The following EPHA5 variants were observed in gnomAD, a reference collection of about 807,000 sequenced individuals.
EPHA5 encodes the protein ephrin type-A receptor 5.
In EPHA5, 60 loss-of-function variants were observed where a neutral mutation model predicts 105.0. The ratio of observed to expected loss-of-function variants is 0.57; its 90% confidence interval spans 0.46 to 0.71. The LOEUF is 0.71. EPHA5 is among the 30% of genes least tolerant of loss of function. The pLI is 0.00. For missense variants in EPHA5, 1,218 were observed against 1,274.7 expected, an observed-to-expected ratio of 0.96 and a Z score of 0.68; for synonymous variants, 513 against 449.1, an observed-to-expected ratio of 1.14 and a Z score of -1.80.
intron 1 of EPHA5, among the ~76,000 whole-genome samples, chr4:65,656,958 T>TC: frequency 6.6e-6 from 1 of 151,524 alleles, no homozygotes; most frequent in East Asian, 1.9e-4. Context: ...TGTGTGTTTT[T>TC]TTTTTTTCTG....
intron 5 of EPHA5, among the ~76,000 whole-genome samples, chr4:65,478,646 A>G (rs1434108119): frequency 6.6e-6 from 1 of 151,986 alleles, no homozygotes; most frequent in African/African-American, 2.4e-5. Context: ...TAATTTTTGT[A>G]TTTTTAGTAG....
At chr4:65,362,900 A>G (rs1296884871) in intron 11 of EPHA5, among the ~76,000 whole-genome samples, 1 of 151,690 alleles carries the variant, frequency 6.6e-6, no homozygotes, top group Non-Finnish European at 1.5e-5. Flanking sequence ...AGCAAAAGAG[A>G]CAAAATTAAG....
chr4:65,492,011 G>C (rs1169704556), intron 4 of EPHA5, among the ~76,000 whole-genome samples: 1 of 152,136 alleles, frequency 6.6e-6, no homozygotes, highest in Non-Finnish European at 1.5e-5. Flanking sequence ...ATGGAGTATG[G>C]TGGTAGTTGA....
intron 3 of EPHA5, among the ~76,000 whole-genome samples, chr4:65,588,117 G>T (rs1393873329): frequency 6.6e-6 from 1 of 152,128 alleles, no homozygotes; most frequent in African/African-American, 2.4e-5. Context: ...TGAGCTTTCA[G>T]TTGCCCCTGA....
rs542714559 is a variant in EPHA5, at chr4:65,476,183, C to T, written c.1402+14194G>A. 6.7e-5 allele frequency among the ~76,000 whole-genome samples: 10 copies of T among 150,182 alleles called. No individual in the cohort carries two copies. The East Asian group carries it at 1.2e-3, about 18-fold the overall frequency. The stretch of plus-strand genomic sequence containing the variant: ...GTTAAAATATGCAGATTATTGGCCC[C>T]TACATTGTATATACTAAATCATAAA... On this transcript the variant is annotated intron_variant, in intron 5 of 16. Transcript: ENST00000613740.
chr4:65,599,348 A>ACACACAC (rs71205393), intron 3 of EPHA5, among the ~76,000 whole-genome samples: 1 of 148,564 alleles, frequency 6.7e-6, no homozygotes, highest in Non-Finnish European at 1.5e-5. Flanking sequence ...GGCATTTTAT[A>ACACACAC]ACACACACAC....
Position 65,323,931 on chromosome 4 carries a change from C to T in EPHA5, c.*183G>A, listed in dbSNP as rs1325868096. 1 of 462,520 alleles carries T rather than the reference C, an allele frequency of 2.2e-6. No individual in the cohort carries two copies. The highest frequency in any genetic ancestry group is 3.5e-5 in the East Asian group (1 of 28,756). The allele number at this position is 462,520 out of a possible 1,614,324, so 28.7% of individuals were successfully genotyped here. ...ATGTTTGCTTCATGAAAAATGAAGA[C>T]TAAGGACTAAGAACTGGATACTTCA... On this transcript the variant is annotated 3_prime_UTR_variant, in exon 17 of 17. Coordinates refer to ENST00000613740, the MANE Select transcript of EPHA5 (RefSeq NM_001281766.3).
intron 3 of EPHA5, among the ~76,000 whole-genome samples, chr4:65,561,012 T>C (rs1313880044): frequency 6.6e-6 from 1 of 151,980 alleles, no homozygotes; most frequent in African/African-American, 2.4e-5. Flanking sequence ...TCATATTGAG[T>C]AAAACATAAC....
intron 2 of EPHA5, among the ~76,000 whole-genome samples, chr4:65,610,292 T>C (rs1029572946): frequency 6.6e-6 from 1 of 152,030 alleles, no homozygotes; most frequent in Non-Finnish European, 1.5e-5. Context: ...GAAATCCAAA[T>C]ACTGCATGTT....
chr4:65,645,118 A>C (rs1275711688), intron 1 of EPHA5, among the ~76,000 whole-genome samples: 1 of 152,014 alleles, frequency 6.6e-6, no homozygotes, highest in African/African-American at 2.4e-5. Flanking sequence ...ACTACATCTA[A>C]TTTTTCAGAC....
chr4:65,587,358 C>T (rs1742218567), intron 3 of EPHA5, among the ~76,000 whole-genome samples: 1 of 151,982 alleles, frequency 6.6e-6, no homozygotes, highest in Admixed American at 6.6e-5. Context: ...ACAAAAACAA[C>T]AAACAAAACA....
intron 3 of EPHA5, among the ~76,000 whole-genome samples, chr4:65,518,533 T>C (rs1257821363): frequency 6.6e-6 from 1 of 151,974 alleles, no homozygotes; most frequent in Non-Finnish European, 1.5e-5. Flanking sequence ...AATTGGGCAG[T>C]ATAAACATTG....
chr4:65,344,821 T>G (rs2148832298), intron 14 of EPHA5, among the ~76,000 whole-genome samples: 1 of 152,244 alleles, frequency 6.6e-6, no homozygotes, highest in East Asian at 1.9e-4. Flanking sequence ...CAATCCAGAG[T>G]AATCATATAT....
chr4:65,624,951 CTAGTGTTAAAAAGATAAATGTATTA>C (rs1746004851), intron 2 of EPHA5, among the ~76,000 whole-genome samples: 1 of 152,056 alleles, frequency 6.6e-6, no homozygotes, highest in Non-Finnish European at 1.5e-5. Context: ...AAAGTGAGTG[CTAGTGTTAAAAAGATAAATGTATTA>C]AAAATAAAAC....
At chr4:65,456,494 G>A (rs900184490) in intron 5 of EPHA5, among the ~76,000 whole-genome samples, 3 of 152,092 alleles carry the variant, frequency 2.0e-5, no homozygotes, top group African/African-American at 7.2e-5. Context: ...AAATGTTAAT[G>A]CTGATTAGTG....
At position 65,571,401 on chromosome 4, in the gene EPHA5, C is replaced by A. The variant is rs1740166082; in HGVS notation, c.910+30240G>T. Among the ~76,000 whole-genome samples, 3 of 150,176 alleles carry A rather than the reference C, an allele frequency of 2.0e-5. No homozygotes were observed. The Admixed American group carries it at 2.0e-4, about 10-fold the overall frequency. On this transcript the variant is annotated intron_variant, in intron 3 of 16. Coordinates refer to ENST00000613740, the MANE Select transcript of EPHA5 (RefSeq NM_001281766.3). The stretch of plus-strand genomic sequence containing the variant: ...GTGTTAAAGTAGATTTAATGGAGTA[C>A]CACAAAATTTAAAAAAGTACTATAC...
intron 3 of EPHA5, among the ~76,000 whole-genome samples, chr4:65,529,640 T>C (rs1431325276): frequency 1.3e-5 from 2 of 152,122 alleles, no homozygotes; most frequent in African/African-American, 4.8e-5. Context: ...ATCTACACAA[T>C]TGCTTATTAA....
chr4:65,416,246 G>A (rs529631599), intron 6 of EPHA5, among the ~76,000 whole-genome samples: 1 of 151,894 alleles, frequency 6.6e-6, no homozygotes, highest in Non-Finnish European at 1.5e-5. Context: ...TTAAAAGAAG[G>A]CCTCAATGAC....
chr4:65,402,385 T>A (rs1019586675), intron 8 of EPHA5, among the ~76,000 whole-genome samples: 13 of 152,132 alleles, frequency 8.5e-5, no homozygotes, highest in African/African-American at 3.1e-4. Flanking sequence ...GGTTACCAAA[T>A]AGTAAGTAGA....
Sources: allele counts gnomAD v4.1 joint callset (sites outside exome capture counted in the v4.1 genomes callset), GRCh38; gene constraint gnomAD v4.1.1; transcripts MANE v1.5; gene names NCBI Gene and HGNC (gene_info 2026-07-23, HGNC 2026-07-21).